NPEPPS: variants seen among roughly 807,000 people sequenced by gnomAD.
NPEPPS encodes the protein puromycin-sensitive aminopeptidase.
NPEPPS carries 14 observed loss-of-function variants against 115.5 expected under a neutral mutation model. The observed-to-expected ratio is 0.12, with a 90% CI of 0.08 to 0.19. The LOEUF (loss-of-function observed/expected upper bound fraction) is 0.19. NPEPPS is among the 10% of genes least tolerant of loss of function. The probability of loss-of-function intolerance (pLI) is 1.00; values close to 1 mark genes in which losing one functional copy is unlikely to be tolerated. For missense variants in NPEPPS, 523 were observed against 1,110.8 expected (o/e 0.47, Z 7.52); for synonymous variants, 285 against 390.6 (o/e 0.73, Z 3.19).
intron 12 of NPEPPS, among the ~76,000 whole-genome samples, chr17:47,593,923 G>T (rs1912673301): frequency 6.6e-6 from 1 of 152,142 alleles, no homozygotes; most frequent in African/African-American, 2.4e-5. Flanking sequence ...GGGAGGCTGG[G>T]GCAGGTGGAC....
intron 2 of NPEPPS, among the ~76,000 whole-genome samples, chr17:47,555,126 A>G (rs1007597473): frequency 6.6e-6 from 1 of 152,094 alleles, no homozygotes; most frequent in East Asian, 1.9e-4. Flanking sequence ...TAACAAAATT[A>G]TTTCGTATTT....
chr17:47,540,144 C>G (rs1815706408), intron 1 of NPEPPS, among the ~76,000 whole-genome samples: 1 of 152,030 alleles, frequency 6.6e-6, no homozygotes, highest in Admixed American at 6.6e-5. Flanking sequence ...CAAGCTGCCT[C>G]TTTGGTACAG....
chr17:47,579,462 A>G lies in NPEPPS; in HGVS notation c.491A>G (p.Tyr164Cys), dbSNP rs1911725242. The G allele has an allele frequency of 6.2e-7, 1 of 1,612,828 alleles. No individual in the cohort carries two copies. The highest frequency in any genetic ancestry group is 8.5e-7 in the Non-Finnish European group (1 of 1,179,290). Residue 164 changes from tyrosine to cysteine, a missense_variant, in exon 4 of 23, where the codon TAT becomes TGT. Coordinates refer to ENST00000322157, the MANE Select transcript of NPEPPS (RefSeq NM_006310.4). ...DKMKGFYRSK[Y>C]TTPSGEVRYA... is the part of the protein sequence containing the mutation. ...ATGAAAGGTTTCTATAGAAGTAAAT[A>G]TACTACCCCTTCTGGAGAGGTGCGC...
chr17:47,571,610 C>T (rs1185697955), intron 3 of NPEPPS, among the ~76,000 whole-genome samples: 5 of 152,114 alleles, frequency 3.3e-5, no homozygotes, highest in Admixed American at 6.5e-5. Flanking sequence ...CCCAGCTACT[C>T]GGGAGGCTGA....
At position 47,570,203 on chromosome 17, in the gene NPEPPS, C is replaced by T. The variant is rs1328946271; in HGVS notation, c.418+709C>T. Among the ~76,000 whole-genome samples the T allele has an allele frequency of 3.9e-5, 6 of 152,314 alleles. No homozygotes were observed. The East Asian group carries it at 1.2e-3, about 29-fold the overall frequency. On this transcript the variant is annotated intron_variant, in intron 3 of 22. Coordinates refer to ENST00000322157, the MANE Select transcript of NPEPPS (RefSeq NM_006310.4). ...TTGGGAGGCCAAGGCGGGCTGATCA[C>T]TTGAAGCCAGGAGTTAGGGACCAGC...
chr17:47,532,087 G>T (rs1488066835), intron 1 of NPEPPS, among the ~76,000 whole-genome samples: 3 of 151,698 alleles, frequency 2.0e-5, no homozygotes, highest in East Asian at 3.9e-4. Context: ...GCTTCTAGAA[G>T]GGGGGGGAGA....
chr17:47,621,672 A>T, intron 22 of NPEPPS, 96 bp from the exon 23 acceptor site: 4 of 1,095,452 alleles, frequency 3.7e-6, no homozygotes, highest in Non-Finnish European at 2.6e-6. Context: ...AAGATTATGC[A>T]TCCTTCATAT....
At chr17:47,567,177 A>C (rs1281522934) in intron 2 of NPEPPS, among the ~76,000 whole-genome samples, 1 of 152,234 alleles carries the variant, frequency 6.6e-6, no homozygotes, top group Admixed American at 6.5e-5. Context: ...TAGTCTAGCT[A>C]ATTAACATTT....
chr17:47,583,138 A>C (rs1041134742), intron 5 of NPEPPS, among the ~76,000 whole-genome samples: 1 of 151,370 alleles, frequency 6.6e-6, no homozygotes, highest in African/African-American at 2.4e-5. Flanking sequence ...ATGAGCCACC[A>C]TGCCCAGCCA....
chr17:47,558,915 T>TC (rs932898540), intron 2 of NPEPPS, among the ~76,000 whole-genome samples: 5 of 151,560 alleles, frequency 3.3e-5, no homozygotes, highest in Non-Finnish European at 7.4e-5. Context: ...ATGCCTGTAG[T>TC]CCCCCCTACC....
At chr17:47,569,918 C>T (rs112695714) in intron 3 of NPEPPS, among the ~76,000 whole-genome samples, 12 of 151,622 alleles carry the variant, frequency 7.9e-5, no homozygotes, top group African/African-American at 2.4e-4. Flanking sequence ...CGCGCCCAGC[C>T]GTATTAAGAG....
chr17:47,558,474 T>C (rs1597835476), intron 2 of NPEPPS, among the ~76,000 whole-genome samples: 1 of 151,242 alleles, frequency 6.6e-6, no homozygotes, highest in Non-Finnish European at 1.5e-5. Context: ...CTGTCACCCA[T>C]GCTGGAGTGC....
At chr17:47,577,849 G>A (rs1281518194) in intron 3 of NPEPPS, among the ~76,000 whole-genome samples, 1 of 152,002 alleles carries the variant, frequency 6.6e-6, no homozygotes, top group Non-Finnish European at 1.5e-5. Flanking sequence ...CATAACTTTT[G>A]GTCCTTTCCA....
At chr17:47,572,766 G>A (rs1219699590) in intron 3 of NPEPPS, among the ~76,000 whole-genome samples, 1 of 152,086 alleles carries the variant, frequency 6.6e-6, no homozygotes, top group Admixed American at 6.6e-5. Flanking sequence ...AGAGAAAATG[G>A]GAAGAGGATT....
chr17:47,561,346 CAAAA>C (rs71365075), intron 2 of NPEPPS, among the ~76,000 whole-genome samples: 6 of 60,774 alleles, frequency 9.9e-5, no homozygotes, highest in African/African-American at 4.3e-4. Context: ...GACCCTGTCT[CAAAA>C]AAAAAAAAAA....
chr17:47,542,893 CTTTGG>C (rs1200823654), intron 1 of NPEPPS, among the ~76,000 whole-genome samples: 1 of 151,952 alleles, frequency 6.6e-6, no homozygotes, highest in Non-Finnish European at 1.5e-5. Context: ...AATCTCAGCA[CTTTGG>C]GAGGCTGAGA....
intron 2 of NPEPPS, among the ~76,000 whole-genome samples, chr17:47,553,783 C>T (rs1215536091): frequency 6.7e-6 from 1 of 148,274 alleles, no homozygotes; most frequent in African/African-American, 2.5e-5. Flanking sequence ...TGAGACGTTG[C>T]TCTGTCGCCC....
At chr17:47,589,144 A>G (rs1430794054) in intron 9 of NPEPPS, among the ~76,000 whole-genome samples, 1 of 151,650 alleles carries the variant, frequency 6.6e-6, no homozygotes, top group Non-Finnish European at 1.5e-5. Context: ...ACAGGGTTTC[A>G]CTTTGTTGCC....
chr17:47,525,748 A>G (rs1217975428), intron 1 of NPEPPS, among the ~76,000 whole-genome samples: 3 of 152,302 alleles, frequency 2.0e-5, no homozygotes, highest in South Asian at 2.1e-4. Context: ...ACATACAGGA[A>G]AGGCTACAGA....
Sources: gnomAD v4.1 joint callset for allele counts (sites outside exome capture counted in the v4.1 genomes callset) on GRCh38, gnomAD v4.1.1 for gene constraint, MANE v1.5 for transcripts, NCBI Gene and HGNC (gene_info 2026-07-23, HGNC 2026-07-21) for gene names.